The following PPP4R3A variants were observed in gnomAD, a reference collection of about 807,000 sequenced individuals.
PPP4R3A encodes protein phosphatase 4 regulatory subunit 3A, also known as serine/threonine-protein phosphatase 4 regulatory subunit 3A.
PPP4R3A carries 15 observed loss-of-function variants against 91.7 expected under a neutral mutation model. The observed-to-expected ratio is 0.16, with a 90% CI of 0.11 to 0.25. The LOEUF (loss-of-function observed/expected upper bound fraction) is 0.25, where lower values mean the gene tolerates loss of function less well. PPP4R3A is among the 10% of genes least tolerant of loss of function. The pLI, the probability that PPP4R3A is intolerant of heterozygous loss-of-function variation, is 1.00. For synonymous variants in PPP4R3A, 377 were observed against 348.7 expected, an observed-to-expected ratio of 1.08 and a Z score of -0.91; for missense variants, 623 against 998.4, an observed-to-expected ratio of 0.62 and a Z score of 5.07.
chr14:91,491,649 C>T (rs1359025926), intron 1 of PPP4R3A, among the ~76,000 whole-genome samples: 1 of 151,812 alleles, frequency 6.6e-6, no homozygotes, highest in African/African-American at 2.4e-5. Flanking sequence ...TCGTGATCCA[C>T]CAGCCTTGGC....
chr14:91,498,838 C>T (rs796798243), intron 1 of PPP4R3A, among the ~76,000 whole-genome samples: 6 of 144,716 alleles, frequency 4.1e-5, no homozygotes, highest in African/African-American at 1.0e-4. Context: ...TGCATGAACC[C>T]GGGAGGCGGA....
At chr14:91,491,349 C>T (rs763042951) in intron 1 of PPP4R3A, among the ~76,000 whole-genome samples, 2 of 152,050 alleles carry the variant, frequency 1.3e-5, no homozygotes, top group Non-Finnish European at 2.9e-5. Context: ...AGGTGCAAGC[C>T]ACTGTGCCCG....
rs966466405 is a variant in PPP4R3A at position 91,461,387 on chromosome 14, A to G, written c.2385T>C (p.Thr795=). Residue 795 remains threonine, a synonymous_variant, in exon 14 of 15, where the codon ACT becomes ACC. Coordinates refer to ENST00000554943, the MANE Select transcript of PPP4R3A (RefSeq NM_001366432.2). ...PKNTSQTAAI[T]TKGGLVGLVD... is the part of the protein sequence containing the mutation. ...ATGGGAGTCAAGAATGTACCTTTGT[A>G]GTAATAGCTGCCGTCTGAGATGTAT... 6.2e-7 allele frequency: 1 copy of G among 1,605,568 alleles called. No homozygotes were observed. Among genetic ancestry groups the G allele is most frequent in the Admixed American group, 1.7e-5 (1 of 59,880 alleles).
chr14:91,461,441 A>AGATCCTGGG lies in PPP4R3A; in HGVS notation c.2322_2330dup (p.Pro781_Ser783dup). On this transcript the variant is annotated inframe_insertion, in exon 14 of 15. Transcript: ENST00000554943. ...TAGGTACGGATCCAGGAGAGCCTGG[A>AGATCCTGGG]GATCCTGGGGATCCAGGTGATCCCG... 1 of 1,614,172 alleles carries AGATCCTGGG rather than the reference A, an allele frequency of 6.2e-7. No individual in the cohort carries two copies. Among genetic ancestry groups the AGATCCTGGG allele is most frequent in the Non-Finnish European group, 8.5e-7 (1 of 1,179,994 alleles).
chr14:91,509,696 A>C lies in PPP4R3A; in HGVS notation c.-49T>G. 4.4e-6 allele frequency: 7 copies of C among 1,576,780 alleles called. No individual in the cohort carries two copies. The highest frequency in any genetic ancestry group is 2.3e-5 in the East Asian group (1 of 43,572). On this transcript the variant is annotated 5_prime_UTR_variant, in exon 1 of 15. Transcript: ENST00000554943. The stretch of plus-strand genomic sequence containing the variant: ...GGGGCCCCGCCAGTAGACGCCCAGG[A>C]AAGGGGCCCTGGAGAGGCGAGGGGC...
In PPP4R3A at chr14:91,510,288, G is replaced by C. The variant is rs1244064684; in HGVS notation, c.-641C>G. On this transcript the variant is annotated 5_prime_UTR_variant, in exon 1 of 15. Transcript: ENST00000554943. ...ACACAGCCAAAACCGCCGCCATCTT[G>C]GTTCGCCCCTCAAAAGCGGCGCGCG... The C allele has an allele frequency of 6.5e-6, 1 of 152,718 alleles. No individual in the cohort carries two copies. The highest frequency in any genetic ancestry group is 1.5e-5 in the Non-Finnish European group (1 of 68,494). 9.5% of individuals were successfully genotyped at this position (152,718 alleles called of 1,614,324 possible). A position where few individuals can be genotyped will look rare whatever the true frequency, so the allele number is the denominator to read the frequency against.
chr14:91,472,850 A>AACC, intron 9 of PPP4R3A, among the ~76,000 whole-genome samples, 183 bp downstream of exon 9: 1 of 151,708 alleles, frequency 6.6e-6, no homozygotes. Flanking sequence ...CCAACCAACC[A>AACC]AATTATTAAG....
intron 1 of PPP4R3A, among the ~76,000 whole-genome samples, chr14:91,496,031 C>T (rs1000008007): frequency 2.6e-5 from 4 of 152,110 alleles, no homozygotes; most frequent in African/African-American, 9.7e-5. Flanking sequence ...AGAGTAAACA[C>T]AACAGATATT....
intron 6 of PPP4R3A, 148 bp from the exon 7 acceptor site, chr14:91,476,114 G>A (rs1372973925): frequency 5.0e-6 from 4 of 794,402 alleles, no homozygotes; most frequent in Non-Finnish European, 7.6e-6. Flanking sequence ...AACTCTTATT[G>A]TACGGATAAA....
chr14:91,490,956 G>C (rs935030166), intron 1 of PPP4R3A, among the ~76,000 whole-genome samples, 154 bp from the exon 2 acceptor site: 1 of 146,396 alleles, frequency 6.8e-6, no homozygotes, highest in African/African-American at 2.5e-5. Flanking sequence ...CCAGACTGGA[G>C]TGCACTGGCA....
chr14:91,477,109 T>C (rs1444024801), intron 4 of PPP4R3A, 123 bp from the exon 5 acceptor site: 2 of 490,560 alleles, frequency 4.1e-6, no homozygotes, highest in East Asian at 8.4e-5. Context: ...GGCAATGCTG[T>C]CTTTTTTTTT....
intron 4 of PPP4R3A, among the ~76,000 whole-genome samples, 172 bp downstream of exon 4, chr14:91,481,404 T>C (rs72701483): frequency 5.8e-4 from 88 of 152,342 alleles, no homozygotes; most frequent in Non-Finnish European, 1.0e-3. Context: ...CTACCCCAGA[T>C]AGAGTAACCT....
rs550287682 is a variant in PPP4R3A, at chr14:91,489,914, C to T, written c.198+833G>A. On this transcript the variant is annotated intron_variant, in intron 2 of 14. Transcript: ENST00000554943. The stretch of plus-strand genomic sequence containing the variant: ...ACTATTTGTGTGGTCAAACAAGTCA[C>T]GACCTTTACGCATCACCCAATGGGA... 4.0e-3 allele frequency among the ~76,000 whole-genome samples: 605 copies of T among 152,304 alleles called. 5 individuals are homozygous for T. The highest frequency in any genetic ancestry group is 0.014 in the African/African-American group (587 of 41,562).
At chr14:91,470,022 A>C (rs933662422) in intron 10 of PPP4R3A, among the ~76,000 whole-genome samples, 1 of 152,130 alleles carries the variant, frequency 6.6e-6, no homozygotes, top group Admixed American at 6.6e-5. Context: ...CAGGCCTCTA[A>C]TTAGTGCATG....
chr14:91,478,990 T>C (rs1273812521), intron 4 of PPP4R3A, among the ~76,000 whole-genome samples: 1 of 152,232 alleles, frequency 6.6e-6, no homozygotes, highest in Non-Finnish European at 1.5e-5. Flanking sequence ...CTTGGCTCAA[T>C]GCAACCTCTG....
rs189558489 is a variant in PPP4R3A, at chr14:91,458,860, C to T, written c.2401G>A (p.Val801Met). The T allele has an allele frequency of 3.5e-5, 57 of 1,611,014 alleles. No homozygotes were observed. Among genetic ancestry groups the T allele is most frequent in the Admixed American group, 1.2e-4 (7 of 59,516 alleles). Residue 801 changes from valine (V) to methionine (M), a missense_variant, in exon 15 of 15, where the codon GTG becomes ATG. Physicochemically the swap from Val to Met is conservative, Grantham distance 21. Around this residue, in one of 5 missense-constraint regions of PPP4R3A, gnomAD observed 201 missense variants for 229.9 expected, o/e 0.87. Transcript: ENST00000554943. ...TAAITTKGGL[V>M]GLVDYPDDDE... Reference sequence around the variant, plus strand: ...TCATCAGGATAATCTACCAGACCCACGAGGCCTCCCTGTTAAGAAATAAGG... The same window carrying T: ...TCATCAGGATAATCTACCAGACCCATGAGGCCTCCCTGTTAAGAAATAAGG...
At chr14:91,468,667 CAAAAAAAAAAAAAA>C (rs766250846) in intron 10 of PPP4R3A, among the ~76,000 whole-genome samples, 6 of 45,052 alleles carry the variant, frequency 1.3e-4, no homozygotes, top group Non-Finnish European at 2.0e-4. Context: ...GACTCCGTCT[CAAAAAAAAAAAAAA>C]AAAAAAAAGG....
chr14:91,475,116 G>GCTCT (rs1642910943), intron 7 of PPP4R3A: 2 of 151,566 alleles, frequency 1.3e-5, no homozygotes, highest in Non-Finnish European at 2.9e-5. Flanking sequence ...GGACCTGAGA[G>GCTCT]CAGGTCCTTC....
chr14:91,479,701 T>C (rs1375307361), intron 4 of PPP4R3A, among the ~76,000 whole-genome samples: 1 of 151,882 alleles, frequency 6.6e-6, no homozygotes. Context: ...ACCATCACGT[T>C]TAGCTAATTG....
Sources: allele counts gnomAD v4.1 joint callset (sites outside exome capture counted in the v4.1 genomes callset), GRCh38; gene constraint gnomAD v4.1.1; regional missense constraint gnomAD v4.1.1; transcripts MANE v1.5; gene names NCBI Gene and HGNC (gene_info 2026-07-23, HGNC 2026-07-21).